Variants in IQGAP2 observed in about 807,000 individuals in gnomAD.
IQGAP2 encodes IQ motif containing GTPase activating protein 2.
Under a neutral mutation model 201.3 loss-of-function variants are expected in IQGAP2, and 173 were observed. That is an observed-to-expected ratio of 0.86 (90% confidence interval 0.76 to 0.98). IQGAP2 has a LOEUF of 0.98. Ranked by LOEUF, IQGAP2 falls within the 50% of genes least tolerant of loss-of-function variation. The probability of loss-of-function intolerance (pLI) is 0.00; values close to 1 mark genes in which losing one functional copy is unlikely to be tolerated. For synonymous variants in IQGAP2, 675 were observed against 673.9 expected, an observed-to-expected ratio of 1.00 and a Z score of -0.03; for missense variants, 1,687 against 1,864.8, an observed-to-expected ratio of 0.90 and a Z score of 1.76.
chr5:76,589,298 C>T lies in IQGAP2; in HGVS notation c.527-317C>T, dbSNP rs1440188780. 3.8e-5 allele frequency among the ~76,000 whole-genome samples: 5 copies of T among 131,750 alleles called. No individual in the cohort carries two copies. In the South Asian group the frequency reaches 7.5e-4, roughly 20 times the overall value. The allele number at this position is 131,750 out of a possible 152,430, so 86.4% of individuals were successfully genotyped here. A position where few individuals can be genotyped will look rare whatever the true frequency, so the allele number is the denominator to read the frequency against. On this transcript the variant is annotated intron_variant, in intron 6 of 35. Coordinates refer to ENST00000274364, the MANE Select transcript of IQGAP2 (RefSeq NM_006633.5). ...CTGCACTCCAGCCTGGACGACAGAG[C>T]GAGACTCTGCCTCAAAAAAAAAAAA... is the stretch of plus-strand genomic sequence containing the variant.
chr5:76,635,108 C>T (rs1245646240), intron 15 of IQGAP2, among the ~76,000 whole-genome samples: 1 of 152,102 alleles, frequency 6.6e-6, no homozygotes, highest in East Asian at 1.9e-4. Context: ...CTGTAATGTC[C>T]CCTGTCTCAT....
chr5:76,536,632 G>A (rs747555804), intron 2 of IQGAP2, among the ~76,000 whole-genome samples: 7 of 151,678 alleles, frequency 4.6e-5, no homozygotes, highest in Non-Finnish European at 8.8e-5. Flanking sequence ...GGTGGTGCAC[G>A]CCTGTAATCC....
In IQGAP2 at chr5:76,632,040, T is replaced by C. The variant is rs748658221; in HGVS notation, c.1780+14T>C. 1.9e-6 allele frequency: 3 copies of C among 1,588,418 alleles called. No individual in the cohort carries two copies. Among genetic ancestry groups the C allele is most frequent in the Non-Finnish European group, 2.6e-6 (3 of 1,167,524 alleles). The stretch of plus-strand genomic sequence containing the variant: ...AATCTGAAAGAGGTAAGTTGGTTTG[T>C]TACTTTAGCACAAACTAAGTATTTT... On this transcript the variant is annotated intron_variant, in intron 15 of 35. Transcript: ENST00000274364.
chr5:76,556,850 G>C (rs559233719), intron 2 of IQGAP2, among the ~76,000 whole-genome samples: 1 of 152,162 alleles, frequency 6.6e-6, no homozygotes, highest in Non-Finnish European at 1.5e-5. Context: ...GCCTTCCTGA[G>C]GAGGTGACTG....
chr5:76,499,689 A>G (rs1340343349), intron 2 of IQGAP2, among the ~76,000 whole-genome samples: 2 of 152,174 alleles, frequency 1.3e-5, no homozygotes, highest in African/African-American at 4.8e-5. Flanking sequence ...TACTAACTCA[A>G]CTCTGGAGCA....
At chr5:76,647,301 T>G (rs534307524) in intron 17 of IQGAP2, among the ~76,000 whole-genome samples, 2 of 152,192 alleles carry the variant, frequency 1.3e-5, no homozygotes, top group Admixed American at 1.3e-4. Flanking sequence ...TGAGTTTTCT[T>G]TTTGTTTATA....
chr5:76,455,390 T>A (rs761970144), intron 1 of IQGAP2, among the ~76,000 whole-genome samples: 1 of 146,526 alleles, frequency 6.8e-6, no homozygotes, highest in East Asian at 2.0e-4. Context: ...GAGGCAGAGG[T>A]TGCAGTGAGC....
At chr5:76,446,780 G>A (rs1753416357) in intron 1 of IQGAP2, among the ~76,000 whole-genome samples, 1 of 152,190 alleles carries the variant, frequency 6.6e-6, no homozygotes. Context: ...TACCCTCCAA[G>A]TGTATTGTAA....
chr5:76,543,889 A>G (rs1420676120), intron 2 of IQGAP2, among the ~76,000 whole-genome samples: 2 of 152,186 alleles, frequency 1.3e-5, no homozygotes, highest in Non-Finnish European at 2.9e-5. Context: ...CGCAGAAAGA[A>G]GTTTTCTCTA....
chr5:76,544,858 T>C (rs114571999), intron 2 of IQGAP2, among the ~76,000 whole-genome samples: 16 of 152,288 alleles, frequency 1.1e-4, no homozygotes, highest in Non-Finnish European at 2.4e-4. Flanking sequence ...ATCCATACTT[T>C]ATAGGTAACT....
intron 13 of IQGAP2, chr5:76,624,402 G>A (rs1489333700): frequency 6.6e-6 from 1 of 152,154 alleles, no homozygotes; most frequent in African/African-American, 2.4e-5. Context: ...AGACTTAAAG[G>A]CTAGGGATAT....
At chr5:76,662,667 C>T (rs1743362150) in intron 21 of IQGAP2, among the ~76,000 whole-genome samples, 1 of 152,144 alleles carries the variant, frequency 6.6e-6, no homozygotes, top group African/African-American at 2.4e-5. Context: ...GCACTGTAAG[C>T]CACATTTATT....
At chr5:76,703,160 T>TGG (rs113446098) in intron 35 of IQGAP2, among the ~76,000 whole-genome samples, 1 of 6,994 alleles carries the variant, frequency 1.4e-4, no homozygotes, top group African/African-American at 2.8e-4. Context: ...GGGGAGGGGG[T>TGG]GGGGGGGGGC....
At chr5:76,629,756 G>T (rs1750545233) in intron 14 of IQGAP2, among the ~76,000 whole-genome samples, 1 of 152,274 alleles carries the variant, frequency 6.6e-6, no homozygotes, top group African/African-American at 2.4e-5. Flanking sequence ...CTGTGAATGT[G>T]TGCCTTAAGA....
At chr5:76,662,969 G>A (rs1743396074) in intron 21 of IQGAP2, among the ~76,000 whole-genome samples, 1 of 152,186 alleles carries the variant, frequency 6.6e-6, no homozygotes, top group Admixed American at 6.5e-5. Context: ...TCATGGACCT[G>A]GAAGGCAACA....
At chr5:76,698,494 G>A (rs1030070199) in intron 33 of IQGAP2, among the ~76,000 whole-genome samples, 1 of 152,080 alleles carries the variant, frequency 6.6e-6, no homozygotes, top group Non-Finnish European at 1.5e-5. Context: ...TTTTTGGAAT[G>A]TATTTTATAT....
intron 1 of IQGAP2, among the ~76,000 whole-genome samples, chr5:76,426,100 C>T (rs1257505056): frequency 6.6e-6 from 1 of 152,114 alleles, no homozygotes; most frequent in Non-Finnish European, 1.5e-5. Flanking sequence ...AGCAGAATTG[C>T]GGTCAGCTGG....
At position 76,606,219 on chromosome 5, in the gene IQGAP2, T is replaced by C; in HGVS notation, c.1273T>C (p.Ser425Pro). ...TLLSVKLEVL[S>P]QGQDNLSWNE... ...ACTCTCTGTTAAACTAGAAGTTTTA[T>C]CCCAAGGGCAAGATAACTTAAGCTG... Residue 425 changes from serine (S) to proline (P), a missense_variant, in exon 12 of 36, where the codon TCC becomes CCC. Coordinates refer to ENST00000274364, the MANE Select transcript of IQGAP2 (RefSeq NM_006633.5). 1.2e-6 allele frequency: 2 copies of C among 1,606,276 alleles called. No homozygotes were observed. The highest frequency in any genetic ancestry group is 1.7e-6 in the Non-Finnish European group (2 of 1,174,998).
At chr5:76,676,020 G>A (rs1352892123) in intron 27 of IQGAP2, among the ~76,000 whole-genome samples, 1 of 151,126 alleles carries the variant, frequency 6.6e-6, no homozygotes, top group Non-Finnish European at 1.5e-5. Flanking sequence ...GGTCAAGGCT[G>A]CAGTGAGCCG....
Sources: gnomAD v4.1 joint callset for allele counts (sites outside exome capture counted in the v4.1 genomes callset) on GRCh38, gnomAD v4.1.1 for gene constraint, MANE v1.5 for transcripts, NCBI Gene and HGNC (gene_info 2026-07-23, HGNC 2026-07-21) for gene names.